The following LEKR1 variants were observed in gnomAD, a reference collection of about 807,000 sequenced individuals.
The protein encoded by LEKR1 is protein LEKR1.
Under a neutral mutation model 72.4 loss-of-function variants are expected in LEKR1, and 59 were observed. That is an observed-to-expected ratio of 0.82 (90% CI 0.66 to 1.01). The LOEUF (loss-of-function observed/expected upper bound fraction) is 1.01, where lower values mean the gene tolerates loss of function less well. Ranked by LOEUF, LEKR1 falls within the 50% of genes least tolerant of loss-of-function variation. The pLI, the probability that LEKR1 is intolerant of heterozygous loss-of-function variation, is 0.00. For missense variants in LEKR1, 728 were observed against 759.2 expected (o/e 0.96, Z 0.48); for synonymous variants, 257 against 263.2 (o/e 0.98, Z 0.23).
chr3:156,892,984 A>G (rs1469507215), intron 3 of LEKR1, among the ~76,000 whole-genome samples: 1 of 152,204 alleles, frequency 6.6e-6, no homozygotes, highest in Non-Finnish European at 1.5e-5. Flanking sequence ...CATGTTTCTC[A>G]ATAGAGCCCT....
In LEKR1 at chr3:156,927,467, C is replaced by A; in HGVS notation, c.422C>A (p.Thr141Asn). Residue 141 changes from threonine (T) to asparagine (N), a missense_variant, in exon 5 of 13, where the codon ACT becomes AAT. By Grantham distance (65) the Thr-to-Asn change is moderately conservative. Transcript: ENST00000356539. ...LSEYKYFWNK[T>N]LSLLTFTKRE... ...GAGTACAAATATTTCTGGAATAAGA[C>A]TCTTTCATTACTTACTTTTACTAAA... The A allele has an allele frequency of 8.6e-7, 1 of 1,159,476 alleles. No individual in the cohort carries two copies. The highest frequency in any genetic ancestry group is 1.1e-6 in the Non-Finnish European group (1 of 917,392). 71.8% of individuals were successfully genotyped at this position (1,159,476 alleles called of 1,614,324 possible). A position where few individuals can be genotyped will look rare whatever the true frequency, so the allele number is the denominator to read the frequency against.
chr3:156,831,959 C>T (rs1241284029), intron 2 of LEKR1, among the ~76,000 whole-genome samples: 3 of 152,142 alleles, frequency 2.0e-5, no homozygotes, highest in African/African-American at 4.8e-5. Context: ...TTCATCATAC[C>T]TTATTTTTAA....
intron 6 of LEKR1, among the ~76,000 whole-genome samples, chr3:156,945,033 C>T (rs1354236249): frequency 6.6e-6 from 1 of 151,704 alleles, no homozygotes; most frequent in Non-Finnish European, 1.5e-5. Context: ...ATATTACCAC[C>T]AACAGTGTTC....
At chr3:156,982,855 G>GATAGA (rs1553820692) in intron 7 of LEKR1, among the ~76,000 whole-genome samples, 5 of 140,104 alleles carry the variant, frequency 3.6e-5, no homozygotes, top group African/African-American at 1.5e-4. Context: ...GTGTGTGTGT[G>GATAGA]TAGATAGATA....
chr3:157,013,778 C>T (rs144321469), intron 10 of LEKR1, among the ~76,000 whole-genome samples: 144 of 152,164 alleles, frequency 9.5e-4, no homozygotes, highest in African/African-American at 3.3e-3. Flanking sequence ...ATTAATATGA[C>T]ATTTTCATCT....
intron 3 of LEKR1, among the ~76,000 whole-genome samples, chr3:156,864,666 C>T (rs1717119999): frequency 6.6e-6 from 1 of 152,062 alleles, no homozygotes; most frequent in South Asian, 2.1e-4. Context: ...TTCAGATCAT[C>T]ATTTATTTCC....
intron 3 of LEKR1, among the ~76,000 whole-genome samples, chr3:156,896,674 C>A (rs1156516939): frequency 6.6e-6 from 1 of 152,200 alleles, no homozygotes; most frequent in African/African-American, 2.4e-5. Context: ...AACTACCATT[C>A]AAGCCAGCAA....
chr3:156,852,587 G>A (rs1715496390), intron 2 of LEKR1, among the ~76,000 whole-genome samples, 181 bp from the exon 3 acceptor site: 1 of 152,096 alleles, frequency 6.6e-6, no homozygotes, highest in Non-Finnish European at 1.5e-5. Context: ...AAGATTTTGT[G>A]TCAGACTCAA....
intron 3 of LEKR1, among the ~76,000 whole-genome samples, chr3:156,910,649 G>A (rs986293390): frequency 1.3e-5 from 2 of 152,164 alleles, no homozygotes; most frequent in Admixed American, 1.3e-4. Context: ...CTGCATCCAT[G>A]TTGCTGCAAA....
Position 157,045,501 on chromosome 3 carries a change from T to G in LEKR1, c.1830T>G (p.Pro610=). The G allele has an allele frequency of 6.2e-7, 1 of 1,614,146 alleles. No individual in the cohort carries two copies. Among genetic ancestry groups the G allele is most frequent in the Non-Finnish European group, 8.5e-7 (1 of 1,179,998 alleles). Residue 610 remains proline, a synonymous_variant, in exon 13 of 13, where the codon CCT becomes CCG. Coordinates refer to ENST00000356539, the MANE Select transcript of LEKR1 (RefSeq NM_001004316.3). ...TCAGCAAGGGCAGCCTAACCTCCCC[T>G]GCTGCAGCAGTCAGTAATCATGGAG... The part of the protein sequence containing the change: ...CSLSKGSLTS[P]AAAVSNHGER...
intron 1 of LEKR1, among the ~76,000 whole-genome samples, chr3:156,827,383 G>C (rs754624633): frequency 9.9e-5 from 15 of 152,212 alleles, no homozygotes; most frequent in Non-Finnish European, 1.8e-4. Flanking sequence ...TCGTTATGGA[G>C]CTGTGCATTA....
intron 3 of LEKR1, among the ~76,000 whole-genome samples, chr3:156,910,396 A>G (rs767384039): frequency 9.2e-5 from 14 of 152,112 alleles, no homozygotes; most frequent in Non-Finnish European, 1.9e-4. Context: ...CAGTTCCTGT[A>G]TTAATTTGCT....
intron 2 of LEKR1, among the ~76,000 whole-genome samples, chr3:156,831,208 T>C (rs1560009342): frequency 6.6e-6 from 1 of 152,072 alleles, no homozygotes; most frequent in Non-Finnish European, 1.5e-5. Flanking sequence ...AAGTGGGGCA[T>C]CAGTCATTAG....
At chr3:156,920,449 A>G (rs1401759850) in intron 3 of LEKR1, 126 bp from the exon 4 acceptor site, 6 of 598,048 alleles carry the variant, frequency 1.0e-5, no homozygotes, top group East Asian at 3.3e-5. Flanking sequence ...GTACATTCAT[A>G]TAGCATATAT....
intron 12 of LEKR1, 101 bp from the exon 13 acceptor site, chr3:157,045,239 C>T (rs139643005): frequency 8.4e-6 from 8 of 955,790 alleles, no homozygotes; most frequent in African/African-American, 6.5e-5. Flanking sequence ...ATACAGACCT[C>T]TGATTTCCAG....
At chr3:156,914,739 T>G (rs1268774619) in intron 3 of LEKR1, among the ~76,000 whole-genome samples, 1 of 152,144 alleles carries the variant, frequency 6.6e-6, no homozygotes, top group Non-Finnish European at 1.5e-5. Context: ...TTGTCTTAAT[T>G]AGCTTGTTGT....
chr3:156,840,393 G>A (rs1713754596), intron 2 of LEKR1, among the ~76,000 whole-genome samples: 1 of 152,112 alleles, frequency 6.6e-6, no homozygotes, highest in South Asian at 2.1e-4. Context: ...CCCAGGACAA[G>A]GCATTTTCCC....
chr3:156,843,038 A>ACTC (rs1714139660), intron 2 of LEKR1, among the ~76,000 whole-genome samples: 1 of 152,030 alleles, frequency 6.6e-6, no homozygotes, highest in African/African-American at 2.4e-5. Context: ...GGCTGAGCTG[A>ACTC]CTCCTACCTG....
rs1033745866 is a variant in LEKR1 at position 156,879,134 on chromosome 3, A to T, written c.263+26152A>T. ...CTGGGTAACAGGCAGAGGTTGGAGCATTAGGAAGGCTCAGAAGAAGACAGG... is the reference window on the plus strand; with the variant it reads ...CTGGGTAACAGGCAGAGGTTGGAGCTTTAGGAAGGCTCAGAAGAAGACAGG... On this transcript the variant is annotated intron_variant, in intron 3 of 12. Transcript: ENST00000356539. 2.6e-5 allele frequency among the ~76,000 whole-genome samples: 4 copies of T among 152,336 alleles called. No homozygotes were observed. The East Asian group carries it at 5.8e-4, about 22-fold the overall frequency.
Sources: gnomAD v4.1 joint callset for allele counts (sites outside exome capture counted in the v4.1 genomes callset) on GRCh38, gnomAD v4.1.1 for gene constraint, MANE v1.5 for transcripts, NCBI Gene and HGNC (gene_info 2026-07-23, HGNC 2026-07-21) for gene names.